Variants in WDPCP observed in about 807,000 individuals in gnomAD.
The protein encoded by WDPCP is WD repeat-containing and planar cell polarity effector protein fritz homolog.
WDPCP carries 71 observed loss-of-function variants against 93.1 expected under a neutral mutation model. The ratio of observed to expected loss-of-function variants is 0.76; its 90% CI spans 0.63 to 0.93. WDPCP has a LOEUF of 0.93. Among genes scored for constraint, WDPCP ranks in the 40% least tolerant of loss-of-function variants. WDPCP has a pLI of 0.00. For missense variants in WDPCP, 844 were observed against 887.4 expected (o/e 0.95, Z 0.62); for synonymous variants, 315 against 315.0 (o/e 1.00, Z 0.00).
intron 13 of WDPCP, among the ~76,000 whole-genome samples, chr2:63,284,462 G>T (rs1485887669): frequency 6.6e-6 from 1 of 152,110 alleles, no homozygotes; most frequent in Non-Finnish European, 1.5e-5. Context: ...ATTATGTTGA[G>T]AACTTGCACA....
At chr2:63,393,406 G>A (rs1479216691) in intron 10 of WDPCP, among the ~76,000 whole-genome samples, 17 of 151,856 alleles carry the variant, frequency 1.1e-4, no homozygotes, top group Admixed American at 1.1e-3. Context: ...GCTAGGGGAG[G>A]GATAGCATTA....
intron 1 of WDPCP, among the ~76,000 whole-genome samples, chr2:63,496,284 T>G (rs1391184396): frequency 2.0e-5 from 3 of 152,228 alleles, no homozygotes; most frequent in Non-Finnish European, 2.9e-5. Flanking sequence ...TCAGTTTAAG[T>G]CAATTTAGTA....
At chr2:63,760,822 G>T (rs1670046309) in intron 2 of WDPCP, among the ~76,000 whole-genome samples, 1 of 152,124 alleles carries the variant, frequency 6.6e-6, no homozygotes, top group South Asian at 2.1e-4. Context: ...TCCTTGTGGG[G>T]TACATGTATG....
chr2:63,703,953 G>A (rs1397465434), intron 2 of WDPCP, among the ~76,000 whole-genome samples: 2 of 152,120 alleles, frequency 1.3e-5, no homozygotes, highest in Non-Finnish European at 2.9e-5. Flanking sequence ...TCTTCCATTT[G>A]TTTGTATCCT....
intron 14 of WDPCP, among the ~76,000 whole-genome samples, chr2:63,236,439 G>C (rs1160616947): frequency 1.3e-5 from 2 of 152,122 alleles, no homozygotes; most frequent in African/African-American, 2.4e-5. Flanking sequence ...TTCCTATCCA[G>C]TTACCAAGGT....
At chr2:63,447,977 T>C (rs973106351) in intron 6 of WDPCP, among the ~76,000 whole-genome samples, 6 of 152,184 alleles carry the variant, frequency 3.9e-5, no homozygotes, top group Non-Finnish European at 1.5e-5. Flanking sequence ...TGCCATTTTA[T>C]GATTACCAGA....
chr2:63,751,750 G>C (rs1185937067), intron 2 of WDPCP: 1 of 576,488 alleles, frequency 1.7e-6, no homozygotes, highest in Non-Finnish European at 3.3e-6. Flanking sequence ...TAGTCACCTT[G>C]GTTTTGTGGT....
intron 11 of WDPCP, among the ~76,000 whole-genome samples, chr2:63,379,150 G>C (rs1408809555): frequency 6.6e-6 from 1 of 151,972 alleles, no homozygotes; most frequent in Non-Finnish European, 1.5e-5. Context: ...TGGGGGAAAG[G>C]GCACATTTTG....
chr2:63,604,493 G>T (rs1709489847), intron 3 of WDPCP, among the ~76,000 whole-genome samples: 1 of 152,208 alleles, frequency 6.6e-6, no homozygotes, highest in Non-Finnish European at 1.5e-5. Context: ...AAGGTTTCAA[G>T]TCCACAGTTG....
upstream of WDPCP, chr2:63,593,327 C>T (rs1709238381): frequency 1.4e-5 from 4 of 284,722 alleles, no homozygotes; most frequent in South Asian, 7.2e-5. Flanking sequence ...CTCCCAACCT[C>T]AGGTGATCCG....
At chr2:63,720,415 T>TCAAAAAAAAAAAA (rs1167952657) in intron 2 of WDPCP, among the ~76,000 whole-genome samples, 3 of 145,220 alleles carry the variant, frequency 2.1e-5, no homozygotes, top group Non-Finnish European at 3.0e-5. Flanking sequence ...AGACTCTACC[T>TCAAAAAAAAAAAA]TAAAAAAAAA....
At chr2:63,455,770 T>C (rs1450622550) in intron 6 of WDPCP, among the ~76,000 whole-genome samples, 1 of 152,112 alleles carries the variant, frequency 6.6e-6, no homozygotes, top group Non-Finnish European at 1.5e-5. Flanking sequence ...ATTAGCCAGA[T>C]CATCTAGACA....
chr2:63,621,958 T>C (rs1468141000), intron 3 of WDPCP, among the ~76,000 whole-genome samples: 3 of 151,824 alleles, frequency 2.0e-5, no homozygotes, highest in African/African-American at 7.3e-5. Context: ...ACATGTGCCG[T>C]ACTGGTGCAC....
At chr2:63,287,030 C>A (rs1438261271) in intron 13 of WDPCP, among the ~76,000 whole-genome samples, 1 of 152,192 alleles carries the variant, frequency 6.6e-6, no homozygotes, top group Non-Finnish European at 1.5e-5. Flanking sequence ...TCTCCCTGAA[C>A]CTCTCTCCTT....
At chr2:63,135,488 C>T (rs187031274) in intron 17 of WDPCP, among the ~76,000 whole-genome samples, 6 of 151,712 alleles carry the variant, frequency 4.0e-5, no homozygotes, top group Admixed American at 2.0e-4. Flanking sequence ...TGCGTCACCA[C>T]GCCCAGCTAA....
chr2:63,123,651 A>C (rs1207132772), intron 17 of WDPCP, among the ~76,000 whole-genome samples: 2 of 152,016 alleles, frequency 1.3e-5, no homozygotes, highest in Non-Finnish European at 2.9e-5. Context: ...CCTTAGACGG[A>C]TATTTTGAAG....
intron 2 of WDPCP, among the ~76,000 whole-genome samples, chr2:63,709,549 C>T (rs1415391208): frequency 6.6e-6 from 1 of 152,168 alleles, no homozygotes; most frequent in East Asian, 1.9e-4. Context: ...AAACTTCCAC[C>T]CCAAGGCCTG....
At chr2:63,425,297 A>C (rs1354305783) in intron 9 of WDPCP, among the ~76,000 whole-genome samples, 1 of 152,234 alleles carries the variant, frequency 6.6e-6, no homozygotes, top group Non-Finnish European at 1.5e-5. Context: ...TCCGCACAAG[A>C]ACTTTGGTGA....
At chr2:63,371,991 T>G (rs1235532790) in intron 12 of WDPCP, among the ~76,000 whole-genome samples, 3 of 152,292 alleles carry the variant, frequency 2.0e-5, no homozygotes, top group African/African-American at 7.2e-5. Context: ...CTGGGAAATT[T>G]ATAAAGAAAA....
Sources: allele counts gnomAD v4.1 joint callset (sites outside exome capture counted in the v4.1 genomes callset), GRCh38; gene constraint gnomAD v4.1.1; transcripts MANE v1.5; gene names NCBI Gene and HGNC (gene_info 2026-07-23, HGNC 2026-07-21).